Variants in RGPD3 observed in about 807,000 individuals in gnomAD.
RGPD3 encodes ranBP2-like and GRIP domain-containing protein 3.
In RGPD3, 62 loss-of-function variants were observed where a neutral mutation model predicts 154.5. That is an observed-to-expected ratio of 0.40 (90% CI 0.33 to 0.50). The LOEUF is 0.50. Among genes scored for constraint, RGPD3 ranks in the 20% least tolerant of loss-of-function variants. The pLI is 0.59. For synonymous variants in RGPD3, 308 were observed against 607.0 expected, an observed-to-expected ratio of 0.51 and a Z score of 7.24; for missense variants, 919 against 1,716.8, an observed-to-expected ratio of 0.54 and a Z score of 8.21.
intron 6 of RGPD3, among the ~76,000 whole-genome samples, chr2:106,451,378 G>A (rs1225074435): frequency 6.7e-6 from 1 of 149,350 alleles, no homozygotes; most frequent in Non-Finnish European, 1.5e-5. Context: ...TATACCAGAT[G>A]GGGAAATAAA....
At position 106,426,239 on chromosome 2, in the gene RGPD3, A is replaced by C. The variant is rs1040517022; in HGVS notation, c.2606-151T>G. 3.3e-5 allele frequency among the ~76,000 whole-genome samples: 5 copies of C among 150,446 alleles called. 1 individual carries two copies. In the East Asian group the frequency reaches 9.7e-4, roughly 29 times the overall value. ...AAATTTCTGTACATCAAAATACACC[A>C]ATCAAGATTATCAAATGACAAACTA... On this transcript the variant is annotated intron_variant, in intron 18 of 22. Transcript: ENST00000409886.
intron 7 of RGPD3, among the ~76,000 whole-genome samples, chr2:106,443,520 G>C (rs1477206074): frequency 1.8e-4 from 24 of 129,746 alleles, no homozygotes; most frequent in African/African-American, 6.6e-4. Context: ...ATGTTGAAAA[G>C]AGCACACAAA....
chr2:106,468,764 C>T (rs554999829), upstream of RGPD3, among the ~76,000 whole-genome samples: 821 of 136,712 alleles, frequency 6.0e-3, 21 homozygotes, highest in African/African-American at 0.02. Flanking sequence ...TGAGATTGCC[C>T]CACTGTACTC....
intron 21 of RGPD3, among the ~76,000 whole-genome samples, chr2:106,414,141 A>G (rs1464907734): frequency 1.3e-5 from 2 of 152,002 alleles, no homozygotes; most frequent in Non-Finnish European, 2.9e-5. Context: ...AGAATGATAT[A>G]AAAAAGGTAA....
At position 106,417,762 on chromosome 2, in the gene RGPD3, A is replaced by G. The variant is rs1459391528; in HGVS notation, c.4925-1773T>C. Among the ~76,000 whole-genome samples the G allele has an allele frequency of 4.0e-5, 6 of 151,376 alleles. 1 individual carries two copies. Among genetic ancestry groups the G allele is most frequent in the African/African-American group, 1.2e-4 (5 of 40,700 alleles). ...GTACACAAAATGAAAATATCAAATGATAAGAGTAGAGGAATTAAGTAACTA... is the reference window on the plus strand; with the variant it reads ...GTACACAAAATGAAAATATCAAATGGTAAGAGTAGAGGAATTAAGTAACTA... On this transcript the variant is annotated intron_variant, in intron 20 of 22. Coordinates refer to ENST00000409886, the MANE Select transcript of RGPD3 (RefSeq NM_001144013.2).
intron 1 of RGPD3, among the ~76,000 whole-genome samples, chr2:106,467,995 C>G (rs1206215462): frequency 1.4e-5 from 2 of 142,468 alleles, no homozygotes; most frequent in Non-Finnish European, 3.1e-5. Flanking sequence ...AGGCCGGCGC[C>G]TCAACAGAGC....
intron 18 of RGPD3, among the ~76,000 whole-genome samples, chr2:106,426,478 G>A (rs1677198891): frequency 6.6e-6 from 1 of 152,122 alleles, no homozygotes; most frequent in East Asian, 1.9e-4. Flanking sequence ...TTTGAAGTGG[G>A]CCTAGAAAAT....
intron 1 of RGPD3, among the ~76,000 whole-genome samples, chr2:106,464,413 G>A (rs1205003089): frequency 6.6e-6 from 1 of 151,036 alleles, no homozygotes; most frequent in Non-Finnish European, 1.5e-5. Flanking sequence ...AAGTATATAT[G>A]TGTGTTACTC....
intron 22 of RGPD3, 94 bp downstream of exon 22, chr2:106,412,990 A>T (rs1676719549): frequency 6.4e-7 from 1 of 1,574,666 alleles, no homozygotes. Flanking sequence ...AAATGAGCAA[A>T]ATTGAAAAGT....
intron 7 of RGPD3, 68 bp from the exon 8 acceptor site, chr2:106,441,448 T>C: frequency 1.1e-6 from 1 of 878,642 alleles, no homozygotes; most frequent in East Asian, 2.7e-5. Context: ...CATGGTCTTA[T>C]CTATTACACT....
chr2:106,414,030 G>A (rs549850198), intron 21 of RGPD3, among the ~76,000 whole-genome samples: 1 of 152,240 alleles, frequency 6.6e-6, no homozygotes, highest in East Asian at 1.9e-4. Flanking sequence ...GTCCCAGGCA[G>A]TTAAGACGTC....
intron 22 of RGPD3, among the ~76,000 whole-genome samples, chr2:106,407,683 T>C (rs1388273702): frequency 6.6e-6 from 1 of 152,260 alleles, no homozygotes; most frequent in Non-Finnish European, 1.5e-5. Context: ...GTGCAAACAA[T>C]GTTCCTGGCA....
Position 106,430,064 on chromosome 2 carries a change from A to G in RGPD3, c.2470-283T>C, listed in dbSNP as rs565242700. The stretch of plus-strand genomic sequence containing the variant: ...ACGCCCGGCTAATTTTTTGTATAAT[A>G]GTAGAGATGCGGTTTCACCATGTTT... On this transcript the variant is annotated intron_variant, in intron 17 of 22. Transcript: ENST00000409886. Among the ~76,000 whole-genome samples the G allele has an allele frequency of 6.4e-3, 961 of 150,878 alleles. 9 individuals are homozygous for G. The highest frequency in any genetic ancestry group is 0.022 in the African/African-American group (907 of 40,970).
At chr2:106,449,704 T>C (rs1471923954) in intron 6 of RGPD3, among the ~76,000 whole-genome samples, 1 of 151,370 alleles carries the variant, frequency 6.6e-6, no homozygotes, top group Non-Finnish European at 1.5e-5. Context: ...GAGGCCAAGG[T>C]AGACAGATCA....
At chr2:106,422,538 C>T (rs1677028063) in intron 20 of RGPD3, among the ~76,000 whole-genome samples, 1 of 152,064 alleles carries the variant, frequency 6.6e-6, no homozygotes, top group Non-Finnish European at 1.5e-5. Context: ...CGCACCACCA[C>T]GCCCGGCTCA....
intron 1 of RGPD3, among the ~76,000 whole-genome samples, chr2:106,463,231 C>T (rs1321994892): frequency 2.0e-5 from 3 of 147,438 alleles, no homozygotes; most frequent in East Asian, 2.1e-4. Flanking sequence ...AAATGATCAA[C>T]TAAATTAAGT....
At chr2:106,464,328 G>C (rs1349456684) in intron 1 of RGPD3, among the ~76,000 whole-genome samples, 6 of 131,090 alleles carry the variant, frequency 4.6e-5, no homozygotes, top group Non-Finnish European at 6.4e-5. Flanking sequence ...ACGATAGAGC[G>C]AGACTCCATC....
intron 1 of RGPD3, among the ~76,000 whole-genome samples, chr2:106,464,545 G>A (rs1484277692): frequency 7.3e-5 from 11 of 150,982 alleles, no homozygotes; most frequent in East Asian, 3.9e-4. Context: ...CCAAAAATTT[G>A]ATGAGCAACA....
chr2:106,470,339 C>T (rs1048541622), upstream of RGPD3, among the ~76,000 whole-genome samples: 1 of 152,234 alleles, frequency 6.6e-6, no homozygotes, highest in African/African-American at 2.4e-5. Context: ...GTGGTTTCTC[C>T]TTGCCCTGAA....
Sources: allele counts gnomAD v4.1 joint callset (sites outside exome capture counted in the v4.1 genomes callset), GRCh38; gene constraint gnomAD v4.1.1; transcripts MANE v1.5; gene names NCBI Gene and HGNC (gene_info 2026-07-23, HGNC 2026-07-21).